UBE2E2: variants seen among roughly 807,000 people sequenced by gnomAD.
The protein encoded by UBE2E2 is ubiquitin-conjugating enzyme E2 E2.
UBE2E2 carries 6 observed loss-of-function variants against 24.7 expected under a neutral mutation model. That is an observed-to-expected ratio of 0.24 (90% CI 0.13 to 0.48). UBE2E2 has a LOEUF of 0.48. Among genes scored for constraint, UBE2E2 ranks in the 20% least tolerant of loss-of-function variants. The pLI, the probability that UBE2E2 is intolerant of heterozygous loss-of-function variation, is 0.99. For missense variants in UBE2E2, 169 were observed against 245.0 expected (o/e 0.69, Z 2.07); for synonymous variants, 104 against 83.6 (o/e 1.24, Z -1.33).
intron 3 of UBE2E2, among the ~76,000 whole-genome samples, chr3:23,464,976 A>G (rs1330670063): frequency 6.6e-6 from 1 of 152,230 alleles, no homozygotes; most frequent in African/African-American, 2.4e-5. Flanking sequence ...TTTACCCAAC[A>G]TCCTTTGAAA....
At chr3:23,428,952 AGAATT>A (rs1321397430) in intron 3 of UBE2E2, among the ~76,000 whole-genome samples, 1 of 143,584 alleles carries the variant, frequency 7.0e-6, no homozygotes. Context: ...AAAAAAAAAA[AGAATT>A]GAAAAAGAGG....
At chr3:23,312,327 T>C (rs932099182) in intron 3 of UBE2E2, among the ~76,000 whole-genome samples, 3 of 152,150 alleles carry the variant, frequency 2.0e-5, no homozygotes, top group Non-Finnish European at 4.4e-5. Context: ...AGGTATACAA[T>C]GCATAATAAT....
intron 5 of UBE2E2, among the ~76,000 whole-genome samples, chr3:23,535,748 G>A (rs537241416): frequency 5.5e-5 from 8 of 145,370 alleles, no homozygotes; most frequent in East Asian, 2.2e-4. Flanking sequence ...TCAGCCTCCC[G>A]AGTAGCTGGG....
At chr3:23,451,054 T>C (rs961099033) in intron 3 of UBE2E2, among the ~76,000 whole-genome samples, 4 of 152,200 alleles carry the variant, frequency 2.6e-5, no homozygotes, top group Non-Finnish European at 5.9e-5. Context: ...TGGGAACTTT[T>C]TGTACTATCT....
intron 3 of UBE2E2, among the ~76,000 whole-genome samples, chr3:23,236,965 T>C (rs1395703296): frequency 1.3e-5 from 2 of 152,174 alleles, no homozygotes; most frequent in Non-Finnish European, 2.9e-5. Context: ...ATTCTGTAAT[T>C]TTCTCTTCCC....
chr3:23,348,651 A>T (rs1465642632), intron 3 of UBE2E2, among the ~76,000 whole-genome samples: 4 of 152,192 alleles, frequency 2.6e-5, no homozygotes, highest in African/African-American at 7.2e-5. Flanking sequence ...ACTGAGGTAC[A>T]TAGATTCAGA....
At chr3:23,508,748 A>G (rs1008651426) in intron 4 of UBE2E2, among the ~76,000 whole-genome samples, 1 of 152,168 alleles carries the variant, frequency 6.6e-6, no homozygotes, top group African/African-American at 2.4e-5. Context: ...TCTAAATGGA[A>G]GTTTGTGTTG....
intron 3 of UBE2E2, among the ~76,000 whole-genome samples, chr3:23,368,535 A>G (rs202105403): frequency 6.6e-6 from 1 of 152,166 alleles, no homozygotes; most frequent in Admixed American, 6.5e-5. Context: ...TTCTCTATAA[A>G]TTAATTATAT....
intron 5 of UBE2E2, among the ~76,000 whole-genome samples, chr3:23,578,233 A>G (rs980607623): frequency 1.3e-5 from 2 of 152,230 alleles, no homozygotes; most frequent in African/African-American, 4.8e-5. Context: ...ACAATGAGAT[A>G]TCATCTCATG....
chr3:23,342,753 T>C (rs1045962677), intron 3 of UBE2E2, among the ~76,000 whole-genome samples: 4 of 152,236 alleles, frequency 2.6e-5, no homozygotes, highest in African/African-American at 4.8e-5. Flanking sequence ...TCACCCTGCG[T>C]TGATCAGGTG....
chr3:23,214,521 GA>G (rs1696421009), intron 2 of UBE2E2, among the ~76,000 whole-genome samples: 1 of 151,752 alleles, frequency 6.6e-6, no homozygotes, highest in Non-Finnish European at 1.5e-5. Flanking sequence ...AAAGCTCAGG[GA>G]TTACAGCCAT....
At chr3:23,532,778 C>A in intron 5 of UBE2E2, 77 bp downstream of exon 5, 3 of 1,246,580 alleles carry the variant, frequency 2.4e-6, no homozygotes, top group Non-Finnish European at 2.2e-6. Context: ...TTGTTTACTA[C>A]TGCTACTACC....
rs116091589 is a variant in UBE2E2, at chr3:23,564,958, T to A, written c.509-24776T>A. Among the ~76,000 whole-genome samples, 990 of 152,190 alleles carry A rather than the reference T, an allele frequency of 6.5e-3. 9 individuals carry two copies. Among genetic ancestry groups the A allele is most frequent in the African/African-American group, 0.022 (930 of 41,538 alleles). ...GCATATGAGAAGGGCAAGGAAAAGG[T>A]GCAGTTGTGTGCCAGACATTGTGCT... is the stretch of plus-strand genomic sequence containing the variant. On this transcript the variant is annotated intron_variant, in intron 5 of 5. Coordinates refer to ENST00000396703, the MANE Select transcript of UBE2E2 (RefSeq NM_152653.4).
rs913335030 is a variant in UBE2E2, at chr3:23,363,148, G to A, written c.228-136460G>A. Among the ~76,000 whole-genome samples, 8 of 152,298 alleles carry A rather than the reference G, an allele frequency of 5.3e-5. No individual in the cohort carries two copies. In the South Asian group the frequency reaches 1.5e-3, roughly 28 times the overall value. On this transcript the variant is annotated intron_variant, in intron 3 of 5. Transcript: ENST00000396703. ...TGCTTTACAAGATGTCTTGAAGGGAGTGCTAGATATAGAAAGGAAAGACTG... is the reference window on the plus strand; with the variant it reads ...TGCTTTACAAGATGTCTTGAAGGGAATGCTAGATATAGAAAGGAAAGACTG...
intron 4 of UBE2E2, among the ~76,000 whole-genome samples, chr3:23,501,530 A>T (rs1470360484): frequency 6.6e-6 from 1 of 152,326 alleles, no homozygotes; most frequent in South Asian, 2.1e-4. Context: ...TCCAGGGGCC[A>T]TGTACTTTCC....
At chr3:23,353,279 A>AT in intron 3 of UBE2E2, among the ~76,000 whole-genome samples, 1 of 152,178 alleles carries the variant, frequency 6.6e-6, no homozygotes, top group South Asian at 2.1e-4. Context: ...AGCCAATATC[A>AT]TACTGAATGG....
At chr3:23,360,021 G>A (rs1696068064) in intron 3 of UBE2E2, among the ~76,000 whole-genome samples, 2 of 152,042 alleles carry the variant, frequency 1.3e-5, no homozygotes, top group African/African-American at 2.4e-5. Context: ...TCAGGTTAGT[G>A]GTTTTACCTG....
intron 3 of UBE2E2, among the ~76,000 whole-genome samples, chr3:23,440,609 G>T (rs1205669641): frequency 6.6e-6 from 1 of 152,140 alleles, no homozygotes; most frequent in Non-Finnish European, 1.5e-5. Flanking sequence ...AAATCTGTCA[G>T]GCTTTGAAAT....
Position 23,270,146 on chromosome 3 carries a change from CT to C in UBE2E2, c.227+52835del, listed in dbSNP as rs551811253. On this transcript the variant is annotated intron_variant, in intron 3 of 5. Transcript: ENST00000396703. ...TGTGGTCAAGACTCTTTCCACCCCC[CT>C]CCTCCTTTTTTTTTTTTTTTTTTTT... Among the ~76,000 whole-genome samples, 64 of 120,812 alleles carry C rather than the reference CT, an allele frequency of 5.3e-4. No homozygotes were observed. In the South Asian group the frequency reaches 0.017, roughly 32 times the overall value. 79.3% of individuals were successfully genotyped at this position (120,812 alleles called of 152,430 possible).
Sources: gnomAD v4.1 joint callset for allele counts (sites outside exome capture counted in the v4.1 genomes callset) on GRCh38, gnomAD v4.1.1 for gene constraint, MANE v1.5 for transcripts, NCBI Gene and HGNC (gene_info 2026-07-23, HGNC 2026-07-21) for gene names.